The following KIF18A variants were observed in gnomAD, a reference collection of about 807,000 sequenced individuals.
KIF18A encodes kinesin family member 18A, also known as kinesin-like protein KIF18A.
A neutral mutation model predicts 103.3 loss-of-function variants in KIF18A; 67 were observed. The observed-to-expected ratio is 0.65, with a 90% CI of 0.53 to 0.79. KIF18A has a LOEUF of 0.79. KIF18A is among the 30% of genes least tolerant of loss of function. KIF18A has a pLI of 0.00. For synonymous variants in KIF18A, 367 were observed against 355.5 expected, an observed-to-expected ratio of 1.03 and a Z score of -0.36; for missense variants, 1,032 against 1,062.5, an observed-to-expected ratio of 0.97 and a Z score of 0.40.
intron 15 of KIF18A, among the ~76,000 whole-genome samples, chr11:28,031,679 A>T (rs73434478): frequency 3.1e-3 from 458 of 149,586 alleles, no homozygotes; most frequent in African/African-American, 0.01. Flanking sequence ...TTAAAGCATA[A>T]AAAAAAAAAA....
rs767541936 is a variant in KIF18A, at chr11:28,077,106, C to T, written c.1326G>A (p.Lys442=). 6.0e-5 allele frequency: 95 copies of T among 1,576,858 alleles called. No homozygotes were observed. The highest frequency in any genetic ancestry group is 7.6e-5 in the Non-Finnish European group (89 of 1,167,652). Residue 442 remains lysine, a synonymous_variant, in exon 10 of 17, where the codon AAG becomes AAA. Transcript: ENST00000263181. ...CATTTTCTTTAAGTAACATTTCCAA[C>T]TTCAGATATTCTTGTCTAATTTCTT... ...NREEIRQEYL[K]LEMLLKENEL...
intron 16 of KIF18A, among the ~76,000 whole-genome samples, chr11:28,022,664 A>G (rs1052215745): frequency 2.0e-5 from 3 of 152,170 alleles, no homozygotes; most frequent in African/African-American, 7.2e-5. Flanking sequence ...ACCTAAACTA[A>G]CTACAGATAC....
chr11:28,107,385 AAAAAAGTCCTGCGG>A (rs1413449538), intron 1 of KIF18A, among the ~76,000 whole-genome samples: 4 of 152,162 alleles, frequency 2.6e-5, no homozygotes, highest in Non-Finnish European at 4.4e-5. Flanking sequence ...CTAAAAAAAA[AAAAAAGTCCTGCGG>A]AAACCAAGAA....
At chr11:28,097,341 A>AT in intron 2 of KIF18A, 1 of 302,980 alleles carries the variant, frequency 3.3e-6, no homozygotes, top group Non-Finnish European at 6.1e-6. Flanking sequence ...GTTAATTGCA[A>AT]TAAGCATGTG....
chr11:28,039,773 CT>C (rs1850536318), intron 13 of KIF18A, among the ~76,000 whole-genome samples: 1 of 151,730 alleles, frequency 6.6e-6, no homozygotes, highest in Non-Finnish European at 1.5e-5. Flanking sequence ...AGAGTATAAG[CT>C]GAAGGAATAG....
rs550801251 is a variant in KIF18A, at chr11:28,065,708, T to A, written c.1591-3192A>T. On this transcript the variant is annotated intron_variant, in intron 11 of 16. Coordinates refer to ENST00000263181, the MANE Select transcript of KIF18A (RefSeq NM_031217.4). ...GTAATGTGGGATAGAAAAGGCAAAC[T>A]AGTAAATTTCTACAATCGACTTTTT... 5.9e-5 allele frequency among the ~76,000 whole-genome samples: 9 copies of A among 152,110 alleles called. No homozygotes were observed. In the South Asian group the frequency reaches 1.9e-3, roughly 32 times the overall value.
rs1295062162 is a variant in KIF18A at position 28,062,382 on chromosome 11, T to C, written c.1712+13A>G. The C allele has an allele frequency of 6.9e-6, 11 of 1,597,796 alleles. No individual in the cohort carries two copies. Among genetic ancestry groups the C allele is most frequent in the Non-Finnish European group, 7.7e-6 (9 of 1,172,612 alleles). On this transcript the variant is annotated intron_variant, in intron 12 of 16. Coordinates refer to ENST00000263181, the MANE Select transcript of KIF18A (RefSeq NM_031217.4). Reference sequence around the variant, plus strand: ...GTGTTAAAATTGGAAAATAGGTAAATGTATGTACTCACGCTTCAGTCTGCC... The same window carrying C: ...GTGTTAAAATTGGAAAATAGGTAAACGTATGTACTCACGCTTCAGTCTGCC...
rs1851466260 is a variant in KIF18A, at chr11:28,103,113, G to A, written c.-47+4951C>T. ...CTGAACAGAATCAAAAGAGCAAACT[G>A]GTAGGATTTCATTGGTGGAACTAAA... On this transcript the variant is annotated intron_variant, in intron 1 of 16. Coordinates refer to ENST00000263181, the MANE Select transcript of KIF18A (RefSeq NM_031217.4). Among the ~76,000 whole-genome samples the A allele has an allele frequency of 2.0e-5, 3 of 152,168 alleles. No homozygotes were observed. In the South Asian group the frequency reaches 6.2e-4, roughly 32 times the overall value.
At chr11:28,090,524 A>T in intron 5 of KIF18A, 93 bp downstream of exon 5, 1 of 761,986 alleles carries the variant, frequency 1.3e-6, no homozygotes, top group Admixed American at 2.2e-5. Context: ...CTACAGACAG[A>T]TTTTTTTCAC....
intron 1 of KIF18A, among the ~76,000 whole-genome samples, chr11:28,105,749 C>T (rs1019130612): frequency 6.6e-6 from 1 of 152,092 alleles, no homozygotes; most frequent in African/African-American, 2.4e-5. Context: ...CACAGAGTGG[C>T]CATTCTCAAT....
chr11:28,036,493 G>A lies in KIF18A; in HGVS notation c.2120C>T (p.Pro707Leu). The A allele has an allele frequency of 6.2e-7, 1 of 1,611,210 alleles. No homozygotes were observed. The highest frequency in any genetic ancestry group is 8.5e-7 in the Non-Finnish European group (1 of 1,178,188). Residue 707 changes from proline (P) to leucine (L), a missense_variant, in exon 14 of 17, where the codon CCA becomes CTA. Pro to Leu is a moderately conservative substitution (Grantham distance 98). Coordinates refer to ENST00000263181, the MANE Select transcript of KIF18A (RefSeq NM_031217.4). The stretch of plus-strand genomic sequence containing the variant: ...TTGAAAAGCTTTTCTACAGTCTTCT[G>A]GTGTATATACAATAGGCTGAAGTTC... ...SKELQPIVYT[P>L]EDCRKAFQNP...
At chr11:28,058,426 A>G (rs1850809910) in intron 13 of KIF18A, among the ~76,000 whole-genome samples, 1 of 149,208 alleles carries the variant, frequency 6.7e-6, no homozygotes, top group African/African-American at 2.5e-5. Flanking sequence ...GCCAGGGGAG[A>G]CAACTGCTTG....
At chr11:28,066,878 A>G in intron 11 of KIF18A, among the ~76,000 whole-genome samples, 1 of 150,640 alleles carries the variant, frequency 6.6e-6, no homozygotes, top group East Asian at 1.9e-4. Context: ...TTTTCTTTGT[A>G]CAACTTGCTT....
chr11:28,031,852 T>C (rs141734016), intron 15 of KIF18A, among the ~76,000 whole-genome samples: 1 of 151,992 alleles, frequency 6.6e-6, no homozygotes, highest in East Asian at 1.9e-4. Context: ...GTATTTATTA[T>C]TTAACATATT....
intron 13 of KIF18A, among the ~76,000 whole-genome samples, chr11:28,039,000 T>C (rs1850527306): frequency 6.6e-6 from 1 of 151,620 alleles, no homozygotes; most frequent in Non-Finnish European, 1.5e-5. Context: ...GATAGAAAAC[T>C]ACATGGAGGG....
intron 13 of KIF18A, among the ~76,000 whole-genome samples, chr11:28,044,152 T>A (rs751706826): frequency 1.6e-4 from 24 of 151,954 alleles, no homozygotes; most frequent in Non-Finnish European, 1.9e-4. Context: ...GTTACCCTAT[T>A]AAAAGACATG....
chr11:28,094,229 C>T (rs1364655106), intron 3 of KIF18A, among the ~76,000 whole-genome samples: 1 of 152,092 alleles, frequency 6.6e-6, no homozygotes, highest in East Asian at 1.9e-4. Context: ...CAAAATCTCA[C>T]TAAGATCTAC....
chr11:28,104,217 T>C (rs1023243355), intron 1 of KIF18A, among the ~76,000 whole-genome samples: 1 of 152,186 alleles, frequency 6.6e-6, no homozygotes, highest in African/African-American at 2.4e-5. Context: ...CAGATCATGA[T>C]ATGTATTGCA....
rs779498971 is a variant in KIF18A at position 28,058,931 on chromosome 11, G to A, written c.1943C>T (p.Pro648Leu). The A allele has an allele frequency of 6.2e-7, 1 of 1,612,306 alleles. No individual in the cohort carries two copies. ...FPQLGPVQPI[P>L]CCSSSGGTNL... ...AAAACGAAAGTTATACTTACAACAA[G>A]GAATAGGCTGAACTGGTCCAAGTTG... is the stretch of plus-strand genomic sequence containing the variant. Residue 648 changes from proline (P) to leucine (L), a missense_variant, in exon 13 of 17, where the codon CCT (proline) becomes CTT (leucine). By Grantham distance (98) the Pro-to-Leu change is moderately conservative. Transcript: ENST00000263181.
Sources: allele counts gnomAD v4.1 joint callset (sites outside exome capture counted in the v4.1 genomes callset), GRCh38; gene constraint gnomAD v4.1.1; transcripts MANE v1.5; gene names NCBI Gene and HGNC (gene_info 2026-07-23, HGNC 2026-07-21).